The following NAALADL2 variants were observed in gnomAD, a reference collection of about 807,000 sequenced individuals.
NAALADL2 encodes N-acetylated alpha-linked acidic dipeptidase like 2.
Under a neutral mutation model 87.2 loss-of-function variants are expected in NAALADL2, and 76 were observed. That is an observed-to-expected ratio of 0.87 (90% CI 0.72 to 1.05). The LOEUF (loss-of-function observed/expected upper bound fraction) is 1.05. Among genes scored for constraint, NAALADL2 ranks in the 50% least tolerant of loss-of-function variants. The probability of loss-of-function intolerance (pLI) is 0.00; values close to 1 mark genes in which losing one functional copy is unlikely to be tolerated. For synonymous variants in NAALADL2, 354 were observed against 331.0 expected, an observed-to-expected ratio of 1.07 and a Z score of -0.75; for missense variants, 1,089 against 945.8, an observed-to-expected ratio of 1.15 and a Z score of -1.99.
At chr3:175,384,382 T>C (rs776135539) in intron 5 of NAALADL2, among the ~76,000 whole-genome samples, 77 of 152,090 alleles carry the variant, frequency 5.1e-4, no homozygotes, top group Non-Finnish European at 8.7e-4. Context: ...GAATGTTATA[T>C]TGGAAAATTT....
intron 9 of NAALADL2, among the ~76,000 whole-genome samples, chr3:175,550,750 C>T (rs946910347): frequency 6.6e-6 from 1 of 152,082 alleles, no homozygotes; most frequent in Non-Finnish European, 1.5e-5. Flanking sequence ...GTTATTGAGC[C>T]AGTATTTCTG....
At chr3:174,633,243 G>GT (rs1043284718) in intron 2 of NAALADL2, among the ~76,000 whole-genome samples, 10 of 151,872 alleles carry the variant, frequency 6.6e-5, no homozygotes, top group Non-Finnish European at 1.3e-4. Flanking sequence ...ATACATTTAT[G>GT]TTTTTTCCGA....
chr3:175,657,943 C>T (rs540536758), intron 11 of NAALADL2, among the ~76,000 whole-genome samples: 10 of 151,878 alleles, frequency 6.6e-5, no homozygotes, highest in Non-Finnish European at 1.5e-4. Context: ...GTTACAATCT[C>T]TGCCAATGAA....
At chr3:174,615,949 T>C (rs1183657073) in intron 2 of NAALADL2, among the ~76,000 whole-genome samples, 1 of 152,014 alleles carries the variant, frequency 6.6e-6, no homozygotes, top group East Asian at 1.9e-4. Context: ...TACAGTACAT[T>C]GAAAATGTTC....
chr3:174,644,804 G>A (rs1292281461), intron 2 of NAALADL2, among the ~76,000 whole-genome samples: 1 of 152,156 alleles, frequency 6.6e-6, no homozygotes, highest in Non-Finnish European at 1.5e-5. Flanking sequence ...AAGACAAATT[G>A]CATGCCTGCA....
intron 4 of NAALADL2, among the ~76,000 whole-genome samples, chr3:175,275,303 A>T (rs988110451): frequency 1.1e-4 from 16 of 152,236 alleles, no homozygotes; most frequent in Non-Finnish European, 2.1e-4. Flanking sequence ...ATATATATTC[A>T]TATAGAATAA....
intron 1 of NAALADL2, among the ~76,000 whole-genome samples, chr3:174,898,411 T>C (rs1731881966): frequency 6.6e-6 from 1 of 151,458 alleles, no homozygotes; most frequent in African/African-American, 2.4e-5. Context: ...TAATAATAAA[T>C]AGAATGAATA....
chr3:174,678,381 A>T (rs1727237079), intron 2 of NAALADL2, among the ~76,000 whole-genome samples: 2 of 152,166 alleles, frequency 1.3e-5, no homozygotes, highest in South Asian at 4.1e-4. Flanking sequence ...TGAAATCACC[A>T]GTTCAAAGGC....
chr3:174,936,979 A>G (rs953887216), intron 1 of NAALADL2, among the ~76,000 whole-genome samples: 25 of 152,124 alleles, frequency 1.6e-4, no homozygotes, highest in Admixed American at 6.6e-4. Flanking sequence ...TATGTGCAGT[A>G]TAGTGTCCTT....
intron 11 of NAALADL2, among the ~76,000 whole-genome samples, chr3:175,671,632 C>G (rs1026644684): frequency 1.3e-5 from 2 of 151,872 alleles, no homozygotes; most frequent in African/African-American, 4.8e-5. Context: ...AGAGAAGACT[C>G]TAAAAGATTG....
At chr3:175,149,355 T>C (rs560993450) in intron 2 of NAALADL2, among the ~76,000 whole-genome samples, 1 of 152,278 alleles carries the variant, frequency 6.6e-6, no homozygotes, top group African/African-American at 2.4e-5. Flanking sequence ...TTTCATAAAC[T>C]GAGGCCTATT....
At chr3:175,383,617 T>G (rs1025895919) in intron 5 of NAALADL2, among the ~76,000 whole-genome samples, 14 of 151,896 alleles carry the variant, frequency 9.2e-5, no homozygotes, top group African/African-American at 3.4e-4. Flanking sequence ...GTTTTTCATC[T>G]TTTTAATGTG....
In NAALADL2 at chr3:174,531,423, A is replaced by G. The variant is rs75165111; in HGVS notation, c.-183-19146A>G. Among the ~76,000 whole-genome samples the G allele has an allele frequency of 1.1e-4, 17 of 152,264 alleles. No homozygotes were observed. The East Asian group carries it at 3.3e-3, about 29-fold the overall frequency. On this transcript the variant is annotated intron_variant, in intron 1 of 3. Coordinates refer to the NAALADL2 transcript ENST00000434257. Reference sequence around the variant, plus strand: ...GGCACTGTGCATCATCATTATCATCAGCAAATAAAATCCACGTAAAGGCCA... The same window carrying G: ...GGCACTGTGCATCATCATTATCATCGGCAAATAAAATCCACGTAAAGGCCA...
At chr3:175,223,088 G>C (rs1478918353) in intron 2 of NAALADL2, among the ~76,000 whole-genome samples, 6 of 113,054 alleles carry the variant, frequency 5.3e-5, no homozygotes, top group Admixed American at 9.9e-5. Flanking sequence ...ACTACCCATA[G>C]TTACTCTGTG....
intron 2 of NAALADL2, among the ~76,000 whole-genome samples, chr3:174,722,958 A>G (rs771997281): frequency 1.3e-5 from 2 of 152,200 alleles, no homozygotes; most frequent in African/African-American, 2.4e-5. Context: ...TCTTTTTTAC[A>G]TTATTAATTC....
intron 1 of NAALADL2, among the ~76,000 whole-genome samples, chr3:174,879,921 A>G (rs952288281): frequency 9.2e-5 from 14 of 152,048 alleles, no homozygotes; most frequent in Non-Finnish European, 1.3e-4. Context: ...GCAACACTTG[A>G]CAGTATTGGT....
intron 2 of NAALADL2, among the ~76,000 whole-genome samples, chr3:175,104,931 G>T (rs1016272820): frequency 6.6e-6 from 1 of 151,560 alleles, no homozygotes; most frequent in African/African-American, 2.4e-5. Flanking sequence ...TCAGTGTTAT[G>T]CAGAATGACA....
intron 1 of NAALADL2, among the ~76,000 whole-genome samples, chr3:175,057,191 GA>G (rs1424378616): frequency 6.6e-6 from 1 of 152,032 alleles, no homozygotes; most frequent in Admixed American, 6.5e-5. Flanking sequence ...ATCTATAAGG[GA>G]AAAAATAGAC....
chr3:175,626,633 C>T (rs4129157), intron 10 of NAALADL2, among the ~76,000 whole-genome samples: 112,091 of 151,584 alleles, frequency 0.74, 42,147 homozygotes, highest in East Asian at 0.88. Flanking sequence ...TGCTTTCTTT[C>T]CTGTATTGAT....
Sources: gnomAD v4.1 joint callset for allele counts (sites outside exome capture counted in the v4.1 genomes callset) on GRCh38, gnomAD v4.1.1 for gene constraint, MANE v1.5 for transcripts, NCBI Gene and HGNC (gene_info 2026-07-23, HGNC 2026-07-21) for gene names.